The following HHAT variants were observed in gnomAD, a reference collection of about 807,000 sequenced individuals.
HHAT encodes the protein hedgehog acyltransferase.
A neutral mutation model predicts 70.8 loss-of-function variants in HHAT; 47 were observed. The observed-to-expected ratio is 0.66, with a 90% CI of 0.53 to 0.85. The LOEUF (loss-of-function observed/expected upper bound fraction) is 0.85. Ranked by LOEUF, HHAT falls within the 40% of genes least tolerant of loss-of-function variation. The probability of loss-of-function intolerance (pLI) is 0.00; values close to 1 mark genes in which losing one functional copy is unlikely to be tolerated. For missense variants in HHAT, 609 were observed against 604.8 expected (o/e 1.01, Z -0.07); for synonymous variants, 228 against 247.6 (o/e 0.92, Z 0.74).
intron 11 of HHAT, among the ~76,000 whole-genome samples, chr1:210,630,069 C>T (rs987925152): frequency 1.3e-5 from 2 of 152,144 alleles, no homozygotes; most frequent in Non-Finnish European, 2.9e-5. Context: ...TCTTGAACTC[C>T]TGACCTCATG....
At chr1:210,637,151 T>C (rs751738179) in intron 11 of HHAT, among the ~76,000 whole-genome samples, 5 of 152,224 alleles carry the variant, frequency 3.3e-5, no homozygotes, top group Admixed American at 6.5e-5. Flanking sequence ...ACTGGTATTA[T>C]ATTAACATTA....
chr1:210,640,792 A>G (rs1446920736), intron 11 of HHAT, among the ~76,000 whole-genome samples: 3 of 152,206 alleles, frequency 2.0e-5, no homozygotes, highest in African/African-American at 4.8e-5. Context: ...CTGAGGGAGA[A>G]AATACTGCAA....
intron 9 of HHAT, among the ~76,000 whole-genome samples, chr1:210,556,347 G>T (rs374030842): frequency 6.6e-6 from 1 of 152,176 alleles, no homozygotes; most frequent in Non-Finnish European, 1.5e-5. Context: ...CCCAGGGCAA[G>T]GGCTATGTCT....
chr1:210,562,201 C>A (rs1372745725), intron 9 of HHAT, among the ~76,000 whole-genome samples: 2 of 151,820 alleles, frequency 1.3e-5, no homozygotes, highest in African/African-American at 4.8e-5. Context: ...TTCAAGAGCA[C>A]CCTTTAGTGT....
rs559288651 is a variant in HHAT, at chr1:210,515,928, G to T, written c.1043+2740G>T. Among the ~76,000 whole-genome samples, 34 of 152,108 alleles carry T rather than the reference G, an allele frequency of 2.2e-4. No individual in the cohort carries two copies. The East Asian group carries it at 6.6e-3, about 29-fold the overall frequency. Reference sequence around the variant, plus strand: ...CTACTAAAAATACAAAAATTAGCCAGGCGTGGTGACACACACCTGTAATCA... The same window carrying T: ...CTACTAAAAATACAAAAATTAGCCATGCGTGGTGACACACACCTGTAATCA... On this transcript the variant is annotated intron_variant, in intron 9 of 11. Coordinates refer to ENST00000261458, the MANE Select transcript of HHAT (RefSeq NM_018194.6).
intron 11 of HHAT, among the ~76,000 whole-genome samples, chr1:210,660,762 A>G (rs1424132657): frequency 1.3e-5 from 2 of 152,134 alleles, no homozygotes; most frequent in Non-Finnish European, 2.9e-5. Context: ...ATAACACCAC[A>G]CATCTATAAC....
chr1:210,663,164 C>G (rs944210605), intron 11 of HHAT, among the ~76,000 whole-genome samples: 1 of 152,154 alleles, frequency 6.6e-6, no homozygotes, highest in East Asian at 1.9e-4. Flanking sequence ...AGGATATAAG[C>G]GTGCTCATCT....
intron 3 of HHAT, among the ~76,000 whole-genome samples, chr1:210,375,572 GCT>G (rs142157476): frequency 0.13 from 19,829 of 151,974 alleles, 1,333 homozygotes; most frequent in Non-Finnish European, 0.15. Context: ...ATTCTGCCAA[GCT>G]CTGTCTTTTA....
At chr1:210,425,625 A>G (rs2148302118) in intron 7 of HHAT, among the ~76,000 whole-genome samples, 1 of 152,176 alleles carries the variant, frequency 6.6e-6, no homozygotes, top group South Asian at 2.1e-4. Flanking sequence ...TGTTTTTGCC[A>G]GGTGTGTTGA....
chr1:210,547,400 T>C (rs1189726579), intron 9 of HHAT, among the ~76,000 whole-genome samples: 1 of 152,118 alleles, frequency 6.6e-6, no homozygotes, highest in Non-Finnish European at 1.5e-5. Flanking sequence ...GAAATTTAAG[T>C]TGGTTCTCCA....
intron 3 of HHAT, among the ~76,000 whole-genome samples, chr1:210,363,378 C>T (rs12141780): frequency 0.11 from 17,032 of 152,202 alleles, 1,233 homozygotes; most frequent in East Asian, 0.26. Flanking sequence ...GTGGCTGGCT[C>T]GCTTGTCTTC....
intron 11 of HHAT, among the ~76,000 whole-genome samples, chr1:210,639,483 T>C (rs74158961): frequency 0.027 from 4,157 of 152,302 alleles, 190 homozygotes; most frequent in African/African-American, 0.095. Flanking sequence ...GATGCATAGA[T>C]GTGGGGAGTT....
chr1:210,676,150 C>G lies in HHAT; in HGVS notation c.*1771C>G, dbSNP rs1336980806. ...CTCTTCCAAGTATACCATTTATATA[C>G]AAACAAATAGGTTTATTCATTCATT... On this transcript the variant is annotated 3_prime_UTR_variant, in exon 12 of 12. Coordinates refer to ENST00000261458, the MANE Select transcript of HHAT (RefSeq NM_018194.6). 1 of 152,164 alleles carries G rather than the reference C, an allele frequency of 6.6e-6. No homozygotes were observed. Among genetic ancestry groups the G allele is most frequent in the Non-Finnish European group, 1.5e-5 (1 of 68,038 alleles). 9.4% of individuals were successfully genotyped at this position (152,164 alleles called of 1,614,324 possible).
chr1:210,541,338 T>G (rs1444298875), intron 9 of HHAT, among the ~76,000 whole-genome samples: 2 of 152,184 alleles, frequency 1.3e-5, no homozygotes, highest in Non-Finnish European at 2.9e-5. Flanking sequence ...CAATAGACTG[T>G]GGGGTTTTGC....
At chr1:210,513,105 C>T in intron 8 of HHAT, 48 bp from the exon 9 acceptor site, 1 of 1,115,356 alleles carries the variant, frequency 9.0e-7, no homozygotes, top group Non-Finnish European at 1.4e-6. Context: ...TCTACCATTA[C>T]TATAAATATC....
intron 11 of HHAT, among the ~76,000 whole-genome samples, chr1:210,629,221 C>T (rs1670408942): frequency 6.6e-6 from 1 of 152,240 alleles, no homozygotes; most frequent in South Asian, 2.1e-4. Flanking sequence ...CTGTATGCCA[C>T]ATGGCCAGCC....
chr1:210,653,467 C>T (rs535256450), intron 11 of HHAT, among the ~76,000 whole-genome samples: 2 of 149,608 alleles, frequency 1.3e-5, no homozygotes, highest in African/African-American at 4.9e-5. Flanking sequence ...GAAGTTGAGG[C>T]TGTAGTGAGC....
chr1:210,660,127 C>T (rs1260946365), intron 11 of HHAT, among the ~76,000 whole-genome samples: 1 of 152,144 alleles, frequency 6.6e-6, no homozygotes, highest in Non-Finnish European at 1.5e-5. Flanking sequence ...GTCAAATTGT[C>T]CCTGTTTGCA....
At chr1:210,511,396 TTGTC>T (rs2094949481) in intron 8 of HHAT, among the ~76,000 whole-genome samples, 1 of 152,196 alleles carries the variant, frequency 6.6e-6, no homozygotes, top group South Asian at 2.1e-4. Flanking sequence ...GCTGTGTCCA[TTGTC>T]TGTAAAGAGA....
Sources: gnomAD v4.1 joint callset for allele counts (sites outside exome capture counted in the v4.1 genomes callset) on GRCh38, gnomAD v4.1.1 for gene constraint, MANE v1.5 for transcripts, NCBI Gene and HGNC (gene_info 2026-07-23, HGNC 2026-07-21) for gene names.